Variants in GPR39 observed in about 807,000 individuals in gnomAD.
The protein encoded by GPR39 is G protein-coupled receptor 39.
Under a neutral mutation model 18.4 loss-of-function variants are expected in GPR39, and 23 were observed. The observed-to-expected ratio is 1.25, with a 90% confidence interval of 0.90 to 1.77. The LOEUF is 1.77. GPR39 is among the 40% of genes most tolerant of loss of function. The probability of loss-of-function intolerance (pLI) is 0.00; values close to 1 mark genes in which losing one functional copy is unlikely to be tolerated. For missense variants in GPR39, 647 were observed against 602.4 expected (o/e 1.07, Z -0.78); for synonymous variants, 280 against 257.9 (o/e 1.09, Z -0.82).
At chr2:132,442,435 G>A (rs1008182591) in intron 1 of GPR39, among the ~76,000 whole-genome samples, 1 of 152,148 alleles carries the variant, frequency 6.6e-6, no homozygotes, top group Non-Finnish European at 1.5e-5. Context: ...AGAGCACACA[G>A]ATGCTCTAAA....
At chr2:132,626,131 C>T (rs1681541411) in intron 1 of GPR39, among the ~76,000 whole-genome samples, 1 of 151,826 alleles carries the variant, frequency 6.6e-6, no homozygotes, top group Non-Finnish European at 1.5e-5. Context: ...AAAAAAGTAG[C>T]CTAAAATGGT....
At chr2:132,557,960 A>T (rs1680185163) in intron 1 of GPR39, among the ~76,000 whole-genome samples, 1 of 150,338 alleles carries the variant, frequency 6.7e-6, no homozygotes, top group African/African-American at 2.4e-5. Context: ...TATTCAGGGT[A>T]AGGGTCAGCT....
chr2:132,512,844 T>TA (rs1286726994), intron 1 of GPR39, among the ~76,000 whole-genome samples: 2 of 152,274 alleles, frequency 1.3e-5, no homozygotes, highest in African/African-American at 4.8e-5. Context: ...TCTTATTTTT[T>TA]ATCCCTCTGG....
At chr2:132,540,269 C>T (rs1679838835) in intron 1 of GPR39, among the ~76,000 whole-genome samples, 1 of 152,152 alleles carries the variant, frequency 6.6e-6, no homozygotes, top group Admixed American at 6.5e-5. Flanking sequence ...CAGGGGCTCT[C>T]CGGAGATTTA....
chr2:132,470,908 C>T (rs572895894), intron 1 of GPR39, among the ~76,000 whole-genome samples: 1 of 152,310 alleles, frequency 6.6e-6, no homozygotes, highest in East Asian at 1.9e-4. Context: ...GATTCTTGGG[C>T]AATTTGTGTG....
chr2:132,582,917 T>TTC (rs1206383857), intron 1 of GPR39, among the ~76,000 whole-genome samples: 3,742 of 37,414 alleles, frequency 0.1, 39 homozygotes, highest in Non-Finnish European at 0.14. Flanking sequence ...CTTTCTTTCT[T>TTC]TTTTTTTTTT....
At chr2:132,575,956 G>GCCAGAAGACGGCACTCTGTGAAC (rs1380547833) in intron 1 of GPR39, among the ~76,000 whole-genome samples, 5 of 152,078 alleles carry the variant, frequency 3.3e-5, no homozygotes, top group African/African-American at 4.8e-5. Flanking sequence ...TGAGGAAACC[G>GCCAGAAGACGGCACTCTGTGAAC]CCAGAAGACG....
At chr2:132,482,310 A>G (rs1253271150) in intron 1 of GPR39, among the ~76,000 whole-genome samples, 1 of 152,126 alleles carries the variant, frequency 6.6e-6, no homozygotes, top group Non-Finnish European at 1.5e-5. Flanking sequence ...CCCAGTGTTC[A>G]CAGATTTTTA....
intron 1 of GPR39, among the ~76,000 whole-genome samples, chr2:132,588,262 A>G (rs1680767130): frequency 6.6e-6 from 1 of 152,132 alleles, no homozygotes; most frequent in Non-Finnish European, 1.5e-5. Flanking sequence ...TTCTCTTCGC[A>G]CTTGCACCTT....
chr2:132,564,827 T>TTTTTTTTTTTTTTTTTTTTTTTTC (rs1288125434), intron 1 of GPR39, among the ~76,000 whole-genome samples: 1 of 139,958 alleles, frequency 7.1e-6, no homozygotes. Flanking sequence ...TTTTTTTTTT[T>TTTTTTTTTTTTTTTTTTTTTTTTC]TTTTGTTGAG....
intron 1 of GPR39, among the ~76,000 whole-genome samples, chr2:132,619,860 C>G (rs1214024950): frequency 6.7e-6 from 1 of 149,070 alleles, no homozygotes; most frequent in Admixed American, 6.6e-5. Context: ...CACACACAGA[C>G]ACACACACAC....
intron 1 of GPR39, among the ~76,000 whole-genome samples, chr2:132,529,148 AC>A (rs1459886070): frequency 1.3e-5 from 2 of 152,008 alleles, no homozygotes; most frequent in African/African-American, 4.8e-5. Context: ...AAATCGAGTC[AC>A]TCCCACCCTA....
At chr2:132,545,655 C>CGTGTGTGTGTGT (rs35108024) in intron 1 of GPR39, among the ~76,000 whole-genome samples, 2 of 149,746 alleles carry the variant, frequency 1.3e-5, no homozygotes, top group East Asian at 2.0e-4. Flanking sequence ...GTGTGATGGG[C>CGTGTGTGTGTGT]GTGTGTGTGT....
rs1282221932 is a variant in GPR39, at chr2:132,645,973, A to G, written c.*367A>G. 6 of 1,165,930 alleles carry G rather than the reference A, an allele frequency of 5.1e-6. No homozygotes were observed. Among genetic ancestry groups the G allele is most frequent in the Non-Finnish European group, 6.0e-6 (5 of 834,462 alleles). 72.2% of individuals were successfully genotyped at this position (1,165,930 alleles called of 1,614,324 possible). A position where few individuals can be genotyped will look rare whatever the true frequency, so the allele number is the denominator to read the frequency against. ...ATAAAAGGACACCCAGAAGAAACTC[A>G]CTCAGGGAGGTGGGGGGTTGGGGGC... is the stretch of plus-strand genomic sequence containing the variant. On this transcript the variant is annotated 3_prime_UTR_variant, in exon 2 of 2. Coordinates refer to ENST00000329321, the MANE Select transcript of GPR39 (RefSeq NM_001508.3).
intron 1 of GPR39, among the ~76,000 whole-genome samples, chr2:132,581,678 A>G (rs1680625904): frequency 6.6e-6 from 1 of 152,174 alleles, no homozygotes; most frequent in Non-Finnish European, 1.5e-5. Context: ...CACAGGCAAG[A>G]TAGACTGACT....
chr2:132,634,269 C>T (rs974465992), intron 1 of GPR39, among the ~76,000 whole-genome samples: 7 of 152,142 alleles, frequency 4.6e-5, no homozygotes, highest in Non-Finnish European at 7.4e-5. Context: ...GTGGTCAGCA[C>T]TATCCCTTCA....
intron 1 of GPR39, among the ~76,000 whole-genome samples, chr2:132,633,491 C>T (rs1558865645): frequency 1.3e-5 from 2 of 151,986 alleles, no homozygotes; most frequent in Non-Finnish European, 2.9e-5. Flanking sequence ...TTCTCTGCTA[C>T]TGAATAGAAG....
intron 1 of GPR39, among the ~76,000 whole-genome samples, chr2:132,460,310 T>C (rs1181109639): frequency 6.6e-6 from 1 of 152,156 alleles, no homozygotes; most frequent in Non-Finnish European, 1.5e-5. Flanking sequence ...TTGCCCTTCA[T>C]GTAGTCCACA....
In GPR39 at chr2:132,540,997, C is replaced by G. The variant is rs151128960; in HGVS notation, c.857-104104C>G. Among the ~76,000 whole-genome samples, 89 of 152,124 alleles carry G rather than the reference C, an allele frequency of 5.9e-4. No individual in the cohort carries two copies. The East Asian group carries it at 0.016, about 27-fold the overall frequency. Reference sequence around the variant, plus strand: ...GCTTCTCTGTGGTGGCCCTCTTGCCCCATTGACCTGCCTCTCATCTTGCCC... The same window carrying G: ...GCTTCTCTGTGGTGGCCCTCTTGCCGCATTGACCTGCCTCTCATCTTGCCC... On this transcript the variant is annotated intron_variant, in intron 1 of 1. Transcript: ENST00000329321.
Sources: gnomAD v4.1 joint callset for allele counts (sites outside exome capture counted in the v4.1 genomes callset) on GRCh38, gnomAD v4.1.1 for gene constraint, MANE v1.5 for transcripts, NCBI Gene and HGNC (gene_info 2026-07-23, HGNC 2026-07-21) for gene names.